GRIP1: variants seen among roughly 807,000 people sequenced by gnomAD.
GRIP1 encodes the protein glutamate receptor interacting protein 1.
A neutral mutation model predicts 129.9 loss-of-function variants in GRIP1; 45 were observed. That is an observed-to-expected ratio of 0.35 (90% CI 0.27 to 0.44). The LOEUF is 0.44. Among genes scored for constraint, GRIP1 ranks in the 20% least tolerant of loss-of-function variants. The probability of loss-of-function intolerance (pLI) is 1.00; values close to 1 mark genes in which losing one functional copy is unlikely to be tolerated. For missense variants in GRIP1, 1,196 were observed against 1,396.8 expected (o/e 0.86, Z 2.29); for synonymous variants, 530 against 520.8 (o/e 1.02, Z -0.24).
intron 1 of GRIP1, among the ~76,000 whole-genome samples, chr12:66,827,413 AGAGC>A (rs954144495): frequency 6.6e-6 from 1 of 150,888 alleles, no homozygotes; most frequent in African/African-American, 2.4e-5. Flanking sequence ...AGAGAGAGAG[AGAGC>A]GCACAAGACA....
intron 1 of GRIP1, among the ~76,000 whole-genome samples, chr12:66,644,991 T>C (rs1240765488): frequency 2.0e-5 from 3 of 152,206 alleles, no homozygotes; most frequent in African/African-American, 7.2e-5. Flanking sequence ...TAATAGTATT[T>C]CTACTAATAA....
At chr12:66,586,347 G>T (rs1428306142) in intron 2 of GRIP1, among the ~76,000 whole-genome samples, 1 of 151,890 alleles carries the variant, frequency 6.6e-6, no homozygotes, top group African/African-American at 2.4e-5. Context: ...TGGATTCCAG[G>T]GTACTACATT....
At chr12:66,508,495 C>A (rs1255156224) in intron 7 of GRIP1, among the ~76,000 whole-genome samples, 1 of 152,060 alleles carries the variant, frequency 6.6e-6, no homozygotes, top group Non-Finnish European at 1.5e-5. Context: ...AGTGCTCCTT[C>A]CTCTCTCAAA....
At position 66,966,397 on chromosome 12, in the gene GRIP1, T is replaced by C. The variant is rs138569279; in HGVS notation, c.58+102653A>G. Among the ~76,000 whole-genome samples, 73 of 152,282 alleles carry C rather than the reference T, an allele frequency of 4.8e-4. No individual in the cohort carries two copies. The East Asian group carries it at 0.01, about 21-fold the overall frequency. On this transcript the variant is annotated intron_variant, in intron 1 of 1. Coordinates refer to the GRIP1 transcript ENST00000643019. ...CCTATTTGTTTCATCGCTCCACTTATATCAACCCAGAGAGTTTCCCCTATT... is the reference window on the plus strand; with the variant it reads ...CCTATTTGTTTCATCGCTCCACTTACATCAACCCAGAGAGTTTCCCCTATT...
At chr12:66,776,817 G>C (rs1304469018) in intron 1 of GRIP1, among the ~76,000 whole-genome samples, 1 of 152,144 alleles carries the variant, frequency 6.6e-6, no homozygotes, top group Non-Finnish European at 1.5e-5. Context: ...GTGATAACAG[G>C]AAAACAATCA....
At chr12:66,355,082 T>A (rs1378696573) in intron 23 of GRIP1, among the ~76,000 whole-genome samples, 1 of 152,182 alleles carries the variant, frequency 6.6e-6, no homozygotes, top group Non-Finnish European at 1.5e-5. Flanking sequence ...CCACTTTCAG[T>A]GTCCTCCTGG....
chr12:66,757,283 G>A (rs865802314), intron 1 of GRIP1, among the ~76,000 whole-genome samples: 15 of 152,074 alleles, frequency 9.9e-5, no homozygotes, highest in Non-Finnish European at 1.9e-4. Flanking sequence ...CCTCACGTGA[G>A]TTGGATTGTT....
chr12:66,549,320 A>T (rs1264549633), intron 2 of GRIP1, among the ~76,000 whole-genome samples: 1 of 152,176 alleles, frequency 6.6e-6, no homozygotes. Context: ...GCAGAATCTG[A>T]ACAGGAGCAG....
intron 1 of GRIP1, among the ~76,000 whole-genome samples, chr12:66,856,261 T>C (rs1180227315): frequency 6.6e-6 from 1 of 152,024 alleles, no homozygotes; most frequent in Non-Finnish European, 1.5e-5. Flanking sequence ...ACTAAAACCA[T>C]AAAAACCCTA....
intron 1 of GRIP1, among the ~76,000 whole-genome samples, chr12:66,598,638 A>G (rs1323019228): frequency 1.3e-5 from 2 of 152,234 alleles, no homozygotes; most frequent in Non-Finnish European, 2.9e-5. Flanking sequence ...TGCTTCATTT[A>G]GCACCTTTTA....
chr12:66,362,471 A>G (rs1029464899), intron 23 of GRIP1, among the ~76,000 whole-genome samples: 19 of 151,820 alleles, frequency 1.3e-4, no homozygotes, highest in Non-Finnish European at 1.5e-5. Flanking sequence ...AATCTTTACT[A>G]TAGCCTTGCC....
chr12:66,904,849 G>A (rs1171334223), intron 1 of GRIP1, among the ~76,000 whole-genome samples: 2 of 150,496 alleles, frequency 1.3e-5, no homozygotes, highest in Admixed American at 1.3e-4. Context: ...CCAAGATTGC[G>A]CCACTGCACT....
intron 2 of GRIP1, among the ~76,000 whole-genome samples, chr12:66,553,291 G>A (rs958178701): frequency 1.3e-5 from 2 of 152,072 alleles, no homozygotes; most frequent in African/African-American, 2.4e-5. Context: ...CTCACTCTGA[G>A]TTTGAAATGC....
At chr12:66,444,939 C>A (rs983409092) in intron 12 of GRIP1, among the ~76,000 whole-genome samples, 4 of 152,054 alleles carry the variant, frequency 2.6e-5, no homozygotes, top group African/African-American at 7.2e-5. Flanking sequence ...CTGAAGTATC[C>A]CAGAGAAGTA....
chr12:66,366,819 GACT>G (rs1253950444), intron 23 of GRIP1, among the ~76,000 whole-genome samples: 1 of 151,584 alleles, frequency 6.6e-6, no homozygotes, highest in Admixed American at 6.6e-5. Context: ...CAGTAGTTTA[GACT>G]ACAGGTGCAA....
intron 1 of GRIP1, among the ~76,000 whole-genome samples, chr12:67,020,385 T>C (rs1447008722): frequency 6.6e-6 from 1 of 152,186 alleles, no homozygotes; most frequent in Non-Finnish European, 1.5e-5. Context: ...CACAAAGTGT[T>C]AAATGAAAAA....
chr12:66,961,394 C>A (rs2041919109), intron 1 of GRIP1, among the ~76,000 whole-genome samples: 1 of 152,098 alleles, frequency 6.6e-6, no homozygotes, highest in Non-Finnish European at 1.5e-5. Context: ...AAAGCAAGCC[C>A]CACCTACAAA....
intron 1 of GRIP1, among the ~76,000 whole-genome samples, chr12:66,938,585 C>T (rs2041526154): frequency 6.6e-6 from 1 of 152,086 alleles, no homozygotes; most frequent in Non-Finnish European, 1.5e-5. Flanking sequence ...TTGATACCAG[C>T]CCCCAAGAAC....
chr12:66,687,527 G>A (rs1208763748), intron 1 of GRIP1, among the ~76,000 whole-genome samples: 2 of 151,856 alleles, frequency 1.3e-5, no homozygotes, highest in Admixed American at 6.6e-5. Context: ...GGCCCTGGAT[G>A]TAAAAAGGTG....
Sources: allele counts gnomAD v4.1 joint callset (sites outside exome capture counted in the v4.1 genomes callset), GRCh38; gene constraint gnomAD v4.1.1; transcripts MANE v1.5; gene names NCBI Gene and HGNC (gene_info 2026-07-23, HGNC 2026-07-21).